Variants in ANKRD30A observed in about 807,000 individuals in gnomAD.
ANKRD30A encodes the protein ankyrin repeat domain-containing protein 30A.
In ANKRD30A, 170 loss-of-function variants were observed where a neutral mutation model predicts 166.3. The ratio of observed to expected loss-of-function variants is 1.02; its 90% confidence interval spans 0.90 to 1.16. ANKRD30A has a LOEUF of 1.16. Among genes scored for constraint, ANKRD30A ranks in the 50% most tolerant of loss-of-function variants. The pLI, the probability that ANKRD30A is intolerant of heterozygous loss-of-function variation, is 0.00. For missense variants in ANKRD30A, 1,630 were observed against 1,518.0 expected (o/e 1.07, Z -1.23); for synonymous variants, 564 against 508.9 (o/e 1.11, Z -1.46).
At chr10:37,144,170 T>C (rs866645904) in intron 7 of ANKRD30A, among the ~76,000 whole-genome samples, 1 of 152,180 alleles carries the variant, frequency 6.6e-6, no homozygotes, top group African/African-American at 2.4e-5. Context: ...ACTAGGAAAT[T>C]TGAGTGAATT....
Position 37,141,937 on chromosome 10 carries a change from C to G in ANKRD30A, c.1040C>G (p.Ser347Cys). Reference protein sequence around the residue: ...DKIQCLEKATSGKFEQSAEET... With the variant: ...DKIQCLEKATCGKFEQSAEET... ...ATTCAATGTTTGGAGAAAGCGACATCTGGAAAGTTCGAACAGTCAGCAGAA... is the reference window on the plus strand; with the variant it reads ...ATTCAATGTTTGGAGAAAGCGACATGTGGAAAGTTCGAACAGTCAGCAGAA... The change falls in exon 7 of 36, where the codon TCT (serine) becomes TGT (cysteine). Residue 347 changes from serine to cysteine, a missense_variant. Around this residue, in one of 4 missense-constraint regions of ANKRD30A, gnomAD observed 904 missense variants for 818.5 expected, o/e 1.10. Transcript: ENST00000361713. 6.2e-7 allele frequency: 1 copy of G among 1,614,212 alleles called. No individual in the cohort carries two copies. The highest frequency in any genetic ancestry group is 8.5e-7 in the Non-Finnish European group (1 of 1,180,032).
At chr10:37,148,684 G>A (rs1176254228) in intron 9 of ANKRD30A, among the ~76,000 whole-genome samples, 1 of 151,970 alleles carries the variant, frequency 6.6e-6, no homozygotes, top group Non-Finnish European at 1.5e-5. Flanking sequence ...AAACCAAAGT[G>A]ACTCATTAGG....
chr10:37,249,132 GCCCT>G, the ANKRD30A span, among the ~76,000 whole-genome samples: 1 of 152,156 alleles, frequency 6.6e-6, no homozygotes, highest in Non-Finnish European at 1.5e-5. Flanking sequence ...AGTCTCTGAG[GCCCT>G]GGCTTCTGAG....
intron 8 of ANKRD30A, among the ~76,000 whole-genome samples, chr10:37,145,627 C>A (rs72787524): frequency 2.5e-3 from 278 of 109,866 alleles, no homozygotes; most frequent in South Asian, 7.0e-3. Context: ...TAGAATTCAC[C>A]AGTAATTCAC....
intron 35 of ANKRD30A, among the ~76,000 whole-genome samples, chr10:37,231,948 T>G (rs1777329981): frequency 6.6e-6 from 1 of 152,078 alleles, no homozygotes; most frequent in Non-Finnish European, 1.5e-5. Context: ...TTAAGTTACA[T>G]TTTAGAAAGG....
Position 37,232,511 on chromosome 10 carries a change from C to T in ANKRD30A, c.*224C>T, listed in dbSNP as rs150794387. ...TCTTTCTACCCAGAATTGCATAAAG[C>T]TGCACAGGATTCCCATCTACCCTGA... On this transcript the variant is annotated 3_prime_UTR_variant, in exon 36 of 36. Coordinates refer to ENST00000361713, the MANE Select transcript of ANKRD30A (RefSeq NM_052997.3). The T allele has an allele frequency of 2.7e-5, 4 of 150,320 alleles. No individual in the cohort carries two copies. The highest frequency in any genetic ancestry group is 9.8e-5 in the African/African-American group (4 of 40,956). The allele number at this position is 150,320 out of a possible 1,614,324, so 9.3% of individuals were successfully genotyped here.
chr10:37,161,328 T>C (rs189411428), intron 15 of ANKRD30A, among the ~76,000 whole-genome samples: 43 of 152,248 alleles, frequency 2.8e-4, no homozygotes, highest in Non-Finnish European at 5.0e-4. Flanking sequence ...AAGAAAAAGA[T>C]AAACAGAAAT....
At chr10:37,164,088 A>T (rs1004511390) in intron 17 of ANKRD30A, among the ~76,000 whole-genome samples, 12 of 148,282 alleles carry the variant, frequency 8.1e-5, no homozygotes, top group African/African-American at 3.0e-4. Flanking sequence ...AATTGTGAAC[A>T]TGAGCTATGC....
At position 37,165,026 on chromosome 10, in the gene ANKRD30A, G is replaced by C. The variant is rs1392807602; in HGVS notation, c.2003-68G>C. On this transcript the variant is annotated intron_variant, in intron 17 of 35. Transcript: ENST00000361713. ...CAGATTCGTGAATGAAAGTAGATTT[G>C]TATATGTTTTTAAAATTTTTAGTAG... The C allele has an allele frequency of 9.5e-6, 14 of 1,466,224 alleles. No individual in the cohort carries two copies. In the Admixed American group the frequency reaches 2.2e-4, roughly 23 times the overall value. 90.8% of individuals were successfully genotyped at this position (1,466,224 alleles called of 1,614,324 possible). A position where few individuals can be genotyped will look rare whatever the true frequency, so the allele number is the denominator to read the frequency against.
chr10:37,200,397 T>G (rs143624802), intron 30 of ANKRD30A, among the ~76,000 whole-genome samples: 1 of 151,952 alleles, frequency 6.6e-6, no homozygotes, highest in Admixed American at 6.6e-5. Flanking sequence ...ACTCCTTGAG[T>G]CCCTTTATGA....
chr10:37,164,484 A>T (rs1287123830), intron 17 of ANKRD30A, among the ~76,000 whole-genome samples: 1 of 152,032 alleles, frequency 6.6e-6, no homozygotes. Flanking sequence ...GTGTCATTGT[A>T]AATGAAGCAG....
At chr10:37,199,311 G>A (rs1425817197) in intron 29 of ANKRD30A, among the ~76,000 whole-genome samples, 1 of 151,944 alleles carries the variant, frequency 6.6e-6, no homozygotes, top group Non-Finnish European at 1.5e-5. Context: ...CTTTTTTGAA[G>A]AACTGCGTAA....
At chr10:37,259,066 A>C in the ANKRD30A span, among the ~76,000 whole-genome samples, 1 of 152,014 alleles carries the variant, frequency 6.6e-6, no homozygotes. Context: ...ATAAGCATTA[A>C]CTATAAAGAA....
chr10:37,156,799 A>G (rs549174964), intron 13 of ANKRD30A, among the ~76,000 whole-genome samples: 1 of 152,328 alleles, frequency 6.6e-6, no homozygotes, highest in South Asian at 2.1e-4. Context: ...GATATTAATG[A>G]ATAGAGAATG....
At chr10:37,142,606 A>G (rs1837225707) in intron 7 of ANKRD30A, among the ~76,000 whole-genome samples, 1 of 109,148 alleles carries the variant, frequency 9.2e-6, no homozygotes, top group African/African-American at 3.6e-5. Flanking sequence ...TTTTTGTGAG[A>G]CAGAGTCTCG....
At chr10:37,150,348 C>G (rs1837834318) in intron 11 of ANKRD30A, among the ~76,000 whole-genome samples, 1 of 151,520 alleles carries the variant, frequency 6.6e-6, no homozygotes, top group Non-Finnish European at 1.5e-5. Flanking sequence ...GCGTGTGTTC[C>G]TGTGTGTGTC....
intron 34 of ANKRD30A, among the ~76,000 whole-genome samples, chr10:37,225,097 C>T (rs983394297): frequency 6.6e-6 from 1 of 150,564 alleles, no homozygotes; most frequent in African/African-American, 2.4e-5. Flanking sequence ...GTTCAAAAAC[C>T]ATGATTACTT....
intron 15 of ANKRD30A, among the ~76,000 whole-genome samples, chr10:37,161,207 T>C (rs1838833970): frequency 6.6e-6 from 1 of 152,162 alleles, no homozygotes. Context: ...AGGCCTTTCA[T>C]GGGAAAATAG....
At chr10:37,263,964 G>A in the ANKRD30A span, among the ~76,000 whole-genome samples, 1 of 152,176 alleles carries the variant, frequency 6.6e-6, no homozygotes, top group East Asian at 1.9e-4. Context: ...ATTGTGAGTT[G>A]TGGAAGAAAG....
Sources: gnomAD v4.1 joint callset for allele counts (sites outside exome capture counted in the v4.1 genomes callset) on GRCh38, gnomAD v4.1.1 for gene constraint, gnomAD v4.1.1 regional missense constraint, MANE v1.5 for transcripts, NCBI Gene and HGNC (gene_info 2026-07-23, HGNC 2026-07-21) for gene names.